RSPO2: variants seen among roughly 807,000 people sequenced by gnomAD.
RSPO2 encodes R-spondin 2.
RSPO2 carries 14 observed loss-of-function variants against 30.9 expected under a neutral mutation model. That is an observed-to-expected ratio of 0.45 (90% confidence interval 0.30 to 0.71). The LOEUF (loss-of-function observed/expected upper bound fraction) is 0.71. RSPO2 is among the 30% of genes least tolerant of loss of function. The probability of loss-of-function intolerance (pLI) is 0.08; values close to 1 mark genes in which losing one functional copy is unlikely to be tolerated. For missense variants in RSPO2, 264 were observed against 301.9 expected (o/e 0.87, Z 0.93); for synonymous variants, 107 against 96.4 (o/e 1.11, Z -0.64).
intron 2 of RSPO2, among the ~76,000 whole-genome samples, chr8:107,993,606 G>A (rs549012295): frequency 1.1e-3 from 165 of 152,198 alleles, no homozygotes; most frequent in African/African-American, 3.8e-3. Context: ...TAGAATTTGC[G>A]GGGGATGGAG....
chr8:107,937,615 G>GACA (rs1554574038), intron 5 of RSPO2, among the ~76,000 whole-genome samples: 3 of 146,096 alleles, frequency 2.1e-5, no homozygotes, highest in African/African-American at 7.6e-5. Context: ...TCATTTGAAG[G>GACA]AAAAAAAAAA....
intron 5 of RSPO2, among the ~76,000 whole-genome samples, chr8:107,904,449 C>T (rs1010896778): frequency 6.6e-6 from 1 of 152,002 alleles, no homozygotes; most frequent in Non-Finnish European, 1.5e-5. Context: ...ATCTTTATCC[C>T]TAGTGTCTTG....
At chr8:108,051,745 A>G (rs1812085644) in intron 2 of RSPO2, among the ~76,000 whole-genome samples, 1 of 152,246 alleles carries the variant, frequency 6.6e-6, no homozygotes, top group Non-Finnish European at 1.5e-5. Flanking sequence ...AAATATTCCA[A>G]GACTATAGTC....
intron 5 of RSPO2, among the ~76,000 whole-genome samples, chr8:107,953,889 T>C (rs1042061307): frequency 6.6e-6 from 1 of 152,176 alleles, no homozygotes; most frequent in Non-Finnish European, 1.5e-5. Context: ...CTACATAACA[T>C]AGTATACCCT....
intron 2 of RSPO2, chr8:108,081,825 G>A: frequency 1.2e-6 from 1 of 851,692 alleles, no homozygotes; most frequent in Non-Finnish European, 1.4e-6. Context: ...CTTTTGCAAA[G>A]CAAATGGAGA....
At chr8:107,925,392 T>A (rs1467069551) in intron 5 of RSPO2, among the ~76,000 whole-genome samples, 1 of 151,158 alleles carries the variant, frequency 6.6e-6, no homozygotes, top group South Asian at 2.1e-4. Context: ...TTTTTTCTTT[T>A]ATATATATAT....
intron 5 of RSPO2, among the ~76,000 whole-genome samples, chr8:107,908,082 T>C (rs1244456725): frequency 1.3e-5 from 2 of 152,174 alleles, no homozygotes; most frequent in Non-Finnish European, 1.5e-5. Context: ...TGAACCTTTA[T>C]AAATGAACTG....
Position 108,030,005 on chromosome 8 carries a change from A to T in RSPO2, c.95-40761T>A, listed in dbSNP as rs1450906548. On this transcript the variant is annotated intron_variant, in intron 2 of 5. Coordinates refer to ENST00000276659, the MANE Select transcript of RSPO2 (RefSeq NM_178565.5). ...AATTTCTAACAGCCAGAGTTCAAAC[A>T]TTTTTTTTAAATAACAGAAATGACC... Among the ~76,000 whole-genome samples the T allele has an allele frequency of 2.0e-5, 3 of 149,958 alleles. No individual in the cohort carries two copies. The East Asian group carries it at 5.9e-4, about 29-fold the overall frequency.
chr8:108,042,738 G>A (rs1459016459), intron 2 of RSPO2, among the ~76,000 whole-genome samples: 1 of 152,038 alleles, frequency 6.6e-6, no homozygotes, highest in Non-Finnish European at 1.5e-5. Context: ...GGGCAACAAT[G>A]GCCCAACAAT....
At chr8:108,060,828 C>G (rs546118540) in intron 2 of RSPO2, among the ~76,000 whole-genome samples, 16 of 151,786 alleles carry the variant, frequency 1.1e-4, no homozygotes, top group Non-Finnish European at 2.1e-4. Context: ...AGACTAACAG[C>G]AGATCTCTCA....
intron 5 of RSPO2, among the ~76,000 whole-genome samples, chr8:107,931,166 A>G (rs1371520842): frequency 6.6e-6 from 1 of 152,352 alleles, no homozygotes; most frequent in East Asian, 1.9e-4. Flanking sequence ...TTAATCTTGC[A>G]CTAAAAATTG....
intron 3 of RSPO2, among the ~76,000 whole-genome samples, chr8:107,977,020 G>GA (rs1272177547): frequency 3.3e-5 from 5 of 152,152 alleles, no homozygotes; most frequent in Non-Finnish European, 5.9e-5. Context: ...GGGAGGCAGA[G>GA]AAAAAAGTTA....
intron 3 of RSPO2, among the ~76,000 whole-genome samples, chr8:107,971,934 T>A (rs1267168055): frequency 1.3e-5 from 2 of 152,114 alleles, no homozygotes; most frequent in Non-Finnish European, 2.9e-5. Flanking sequence ...TCCTCTGCCC[T>A]CCCAACACCC....
intron 2 of RSPO2, among the ~76,000 whole-genome samples, chr8:108,059,966 A>G (rs1812396920): frequency 6.6e-6 from 1 of 151,526 alleles, no homozygotes; most frequent in African/African-American, 2.4e-5. Context: ...ACAAACCTGC[A>G]CATTGTGCAC....
intron 2 of RSPO2, among the ~76,000 whole-genome samples, chr8:108,060,708 G>C (rs1279089429): frequency 6.6e-6 from 1 of 151,696 alleles, no homozygotes; most frequent in Non-Finnish European, 1.5e-5. Flanking sequence ...CCCTCGAGGA[G>C]AGCAACTCCA....
rs79551086 is a variant in RSPO2 at position 108,079,333 on chromosome 8, G to A, written c.94+3212C>T. ...CAGGCCCCATTAGTGACTATCAAATGCATTTTTATAATTTTTCAAAATAAG... is the reference window on the plus strand; with the variant it reads ...CAGGCCCCATTAGTGACTATCAAATACATTTTTATAATTTTTCAAAATAAG... On this transcript the variant is annotated intron_variant, in intron 2 of 5. Transcript: ENST00000276659. Among the ~76,000 whole-genome samples the A allele has an allele frequency of 8.5e-3, 1,291 of 152,114 alleles. 33 individuals carry two copies. The highest frequency in any genetic ancestry group is 0.03 in the African/African-American group (1,228 of 41,498).
intron 5 of RSPO2, among the ~76,000 whole-genome samples, chr8:107,938,709 G>T (rs1812795428): frequency 6.6e-6 from 1 of 152,142 alleles, no homozygotes; most frequent in South Asian, 2.1e-4. Context: ...TAAAGATCTG[G>T]CCAGCCAAGC....
In RSPO2 at chr8:108,057,055, CAAAAAAAAAAAAAAAAAAAAA is replaced by C. The variant is rs56727719; in HGVS notation, c.94+25469_94+25489del. Among the ~76,000 whole-genome samples the C allele has an allele frequency of 1.4e-4, 5 of 36,070 alleles. 1 individual carries two copies. Among genetic ancestry groups the C allele is most frequent in the Admixed American group, 1.2e-3 (2 of 1,692 alleles). 23.7% of individuals were successfully genotyped at this position (36,070 alleles called of 152,430 possible). The stretch of plus-strand genomic sequence containing the variant: ...CTGGCAACAGAGTGAGACTCTGTCT[CAAAAAAAAAAAAAAAAAAAAA>C]AAAAAAAAAAAAAAAAGACGTATAA... On this transcript the variant is annotated intron_variant, in intron 2 of 5. Coordinates refer to ENST00000276659, the MANE Select transcript of RSPO2 (RefSeq NM_178565.5).
intron 4 of RSPO2, 144 bp downstream of exon 4, chr8:107,960,530 A>G (rs183182017): frequency 1.0e-3 from 817 of 783,896 alleles, no homozygotes; most frequent in Non-Finnish European, 1.5e-3. Flanking sequence ...GATGCTTAAA[A>G]TCAGCAAAGA....
Sources: allele counts gnomAD v4.1 joint callset (sites outside exome capture counted in the v4.1 genomes callset), GRCh38; gene constraint gnomAD v4.1.1; transcripts MANE v1.5; gene names NCBI Gene and HGNC (gene_info 2026-07-23, HGNC 2026-07-21).